DOCK1: variants seen among roughly 807,000 people sequenced by gnomAD.
DOCK1 encodes dedicator of cytokinesis 1, also known as dedicator of cytokinesis protein 1.
A neutral mutation model predicts 262.7 loss-of-function variants in DOCK1; 138 were observed. The observed-to-expected ratio is 0.53, with a 90% CI of 0.46 to 0.61. The LOEUF (loss-of-function observed/expected upper bound fraction) is 0.61, where lower values mean the gene tolerates loss of function less well. DOCK1 is among the 20% of genes least tolerant of loss of function. The probability of loss-of-function intolerance (pLI) is 0.00; values close to 1 mark genes in which losing one functional copy is unlikely to be tolerated. For synonymous variants in DOCK1, 866 were observed against 867.4 expected (o/e 1.00, Z 0.03); for missense variants, 1,908 against 2,370.7 (o/e 0.80, Z 4.05).
At chr10:127,074,597 A>G (rs567734734) in intron 23 of DOCK1, among the ~76,000 whole-genome samples, 1 of 152,322 alleles carries the variant, frequency 6.6e-6, no homozygotes, top group African/African-American at 2.4e-5. Flanking sequence ...AGAAGAAAAA[A>G]GGGGCTATAA....
At position 127,247,999 on chromosome 10, in the gene DOCK1, C is replaced by G; in HGVS notation, c.2848-9C>G. 2.5e-6 allele frequency: 4 copies of G among 1,612,622 alleles called. No homozygotes were observed. Among genetic ancestry groups the G allele is most frequent in the Non-Finnish European group, 2.5e-6 (3 of 1,178,870 alleles). ...TCTCATCTAATTCTATCTTTTGATTCATTTACAGGGAAACTTCGTGGCTTG... is the reference window on the plus strand; with the variant it reads ...TCTCATCTAATTCTATCTTTTGATTGATTTACAGGGAAACTTCGTGGCTTG... On this transcript the variant is annotated splice_polypyrimidine_tract_variant and intron_variant, in intron 27 of 51. Transcript: ENST00000623213.
Position 127,012,109 on chromosome 10 carries a change from T to C in DOCK1, c.1059-123T>C. The C allele has an allele frequency of 1.6e-6, 1 of 636,542 alleles. No individual in the cohort carries two copies. Among genetic ancestry groups the C allele is most frequent in the Non-Finnish European group, 2.9e-6 (1 of 348,074 alleles). 39.4% of individuals were successfully genotyped at this position (636,542 alleles called of 1,614,324 possible). A position where few individuals can be genotyped will look rare whatever the true frequency, so the allele number is the denominator to read the frequency against. On this transcript the variant is annotated intron_variant, in intron 11 of 51. Transcript: ENST00000623213. This position sits in a 1 kb window ranked among gnomAD's most constrained non-coding sequence, Gnocchi z 4.0. ...ACCTCTCCCATCCTTTGTCGTGCGT[T>C]GACTCATGATGCCTCCCTCTCGCAC...
intron 27 of DOCK1, among the ~76,000 whole-genome samples, chr10:127,236,343 C>G (rs948442575): frequency 2.1e-5 from 3 of 140,484 alleles, no homozygotes; most frequent in African/African-American, 8.0e-5. Context: ...CTCCCCTCCC[C>G]TCCTTCCCTC....
At chr10:127,091,453 T>C (rs938645022) in intron 23 of DOCK1, among the ~76,000 whole-genome samples, 1 of 152,208 alleles carries the variant, frequency 6.6e-6, no homozygotes, top group Non-Finnish European at 1.5e-5. Flanking sequence ...CTTTCCCTCT[T>C]TCCTTTTTGA....
At position 126,992,737 on chromosome 10, in the gene DOCK1, G is replaced by GACACACAC. The variant is rs34596370; in HGVS notation, c.473+2154_473+2161dup. Among the ~76,000 whole-genome samples the GACACACAC allele has an allele frequency of 9.1e-3, 1,214 of 133,420 alleles. 19 individuals are homozygous for GACACACAC. Among genetic ancestry groups the GACACACAC allele is most frequent in the African/African-American group, 0.032 (1,100 of 34,616 alleles). 87.5% of individuals were successfully genotyped at this position (133,420 alleles called of 152,430 possible). A position where few individuals can be genotyped will look rare whatever the true frequency, so the allele number is the denominator to read the frequency against. On this transcript the variant is annotated intron_variant, in intron 6 of 51. Coordinates refer to ENST00000623213, the MANE Select transcript of DOCK1 (RefSeq NM_001290223.2). ...CAGGCACACAGACCCCCCCAACACA[G>GACACACAC]ACACACACACACACACACACACACA...
At chr10:127,429,778 G>T (rs2069153423) in intron 47 of DOCK1, among the ~76,000 whole-genome samples, 1 of 152,178 alleles carries the variant, frequency 6.6e-6, no homozygotes. Context: ...GTGAGCACCT[G>T]CCACGTTCGG....
intron 29 of DOCK1, among the ~76,000 whole-genome samples, chr10:127,287,172 G>C (rs1055385624): frequency 6.6e-6 from 1 of 151,292 alleles, no homozygotes; most frequent in Non-Finnish European, 1.5e-5. Flanking sequence ...CTCCCAAAGT[G>C]CTGGGATTAC....
chr10:127,419,994 T>C (rs957780274), intron 46 of DOCK1, among the ~76,000 whole-genome samples: 2 of 152,212 alleles, frequency 1.3e-5, no homozygotes, highest in African/African-American at 4.8e-5. Context: ...TTCCTCCCCT[T>C]GGTCAATTCT....
rs539076244 is a variant in DOCK1, at chr10:127,403,146, T to C, written c.4017+2T>C. 6.2e-7 allele frequency: 1 copy of C among 1,602,140 alleles called. No homozygotes were observed. The highest frequency in any genetic ancestry group is 1.1e-5 in the South Asian group (1 of 88,276). ...TATGAGCAACTCAGCGAATTGCTGG[T>C]GAGTCTTTATTTCTTTTTATTTAAA... On this transcript the variant is annotated splice_donor_variant, in intron 39 of 51. Transcript: ENST00000623213. LOFTEE classifies it high-confidence loss of function.
chr10:127,153,815 A>G, intron 27 of DOCK1: 9 of 1,487,260 alleles, frequency 6.1e-6, no homozygotes, highest in Non-Finnish European at 8.5e-6. Flanking sequence ...TTTGTCACTC[A>G]TAATAAGAAA....
chr10:127,161,997 G>C (rs1254008203), intron 27 of DOCK1, among the ~76,000 whole-genome samples: 1 of 152,192 alleles, frequency 6.6e-6, no homozygotes, highest in Non-Finnish European at 1.5e-5. Flanking sequence ...TTCTGCTCAG[G>C]ACGTTGATGA....
intron 23 of DOCK1, among the ~76,000 whole-genome samples, chr10:127,105,259 C>T (rs1259184992): frequency 6.6e-6 from 1 of 152,162 alleles, no homozygotes; most frequent in Non-Finnish European, 1.5e-5. Flanking sequence ...TACCCAGTCT[C>T]AGGTATTTCT....
At chr10:127,068,718 T>TAC (rs1402333415) in intron 23 of DOCK1, among the ~76,000 whole-genome samples, 2 of 152,212 alleles carry the variant, frequency 1.3e-5, no homozygotes, top group East Asian at 3.8e-4. Flanking sequence ...CCTATATATA[T>TAC]ACACACACAT....
chr10:127,445,795 A>G (rs1430678155), intron 50 of DOCK1, among the ~76,000 whole-genome samples: 3 of 152,228 alleles, frequency 2.0e-5, no homozygotes, highest in South Asian at 4.1e-4. Context: ...TGTACGTCCA[A>G]AGAAATGTCC....
chr10:127,168,732 C>T lies in DOCK1; in HGVS notation c.2847+40968C>T, dbSNP rs192776772. Among the ~76,000 whole-genome samples, 560 of 152,308 alleles carry T rather than the reference C, an allele frequency of 3.7e-3. 4 individuals carry two copies. The highest frequency in any genetic ancestry group is 5.7e-3 in the Non-Finnish European group (388 of 68,030). On this transcript the variant is annotated intron_variant, in intron 27 of 51. Transcript: ENST00000623213. Reference sequence around the variant, plus strand: ...TCACCTCACTGTGCCCAGCTTTCCCCTTGGCTCTTGGAGGGGTGAGCCTGG... The same window carrying T: ...TCACCTCACTGTGCCCAGCTTTCCCTTTGGCTCTTGGAGGGGTGAGCCTGG...
intron 29 of DOCK1, among the ~76,000 whole-genome samples, chr10:127,265,673 A>T (rs892375680): frequency 6.6e-6 from 1 of 152,258 alleles, no homozygotes; most frequent in Non-Finnish European, 1.5e-5. Context: ...AAAATCGTCC[A>T]TGCTTATTTC....
intron 1 of DOCK1, among the ~76,000 whole-genome samples, chr10:126,905,871 G>C (rs891554593): frequency 6.6e-6 from 1 of 152,020 alleles, no homozygotes; most frequent in South Asian, 2.1e-4. Flanking sequence ...CTCTGCCGTG[G>C]AGCCCCCCGG....
At chr10:127,419,794 G>T in intron 46 of DOCK1, 45 bp downstream of exon 46, 1 of 1,547,228 alleles carries the variant, frequency 6.5e-7, no homozygotes. Context: ...GGGAAGGAAA[G>T]CTAGGAGGGT....
rs1203687780 is a variant in DOCK1, at chr10:127,433,567, T to G, written c.5060+139T>G. 3 of 1,203,340 alleles carry G rather than the reference T, an allele frequency of 2.5e-6. No homozygotes were observed. The East Asian group carries it at 7.7e-5, about 31-fold the overall frequency. 74.5% of individuals were successfully genotyped at this position (1,203,340 alleles called of 1,614,324 possible). ...AAAATTATCTTTGAAACTGAGACCCTCCGAGACTTTCTGACCGTAGTGCCC... is the reference window on the plus strand; with the variant it reads ...AAAATTATCTTTGAAACTGAGACCCGCCGAGACTTTCTGACCGTAGTGCCC... On this transcript the variant is annotated intron_variant, in intron 48 of 51. Coordinates refer to ENST00000623213, the MANE Select transcript of DOCK1 (RefSeq NM_001290223.2).
Sources: allele counts gnomAD v4.1 joint callset (sites outside exome capture counted in the v4.1 genomes callset), GRCh38; gene constraint gnomAD v4.1.1; non-coding constraint Gnocchi (gnomAD v3.1); transcripts MANE v1.5; gene names NCBI Gene and HGNC (gene_info 2026-07-23, HGNC 2026-07-21).